SHISA9: variants seen among roughly 807,000 people sequenced by gnomAD.
The protein encoded by SHISA9 is shisa family member 9.
SHISA9 carries 13 observed loss-of-function variants against 38.0 expected under a neutral mutation model. The ratio of observed to expected loss-of-function variants is 0.34; its 90% CI spans 0.22 to 0.54. The LOEUF is 0.54. Among genes scored for constraint, SHISA9 ranks in the 20% least tolerant of loss-of-function variants. The probability of loss-of-function intolerance (pLI) is 0.91; values close to 1 mark genes in which losing one functional copy is unlikely to be tolerated. For missense variants in SHISA9, 538 were observed against 575.8 expected (o/e 0.93, Z 0.67); for synonymous variants, 275 against 242.0 (o/e 1.14, Z -1.27).
chr16:13,335,001 T>C, the SHISA9 span, among the ~76,000 whole-genome samples: 3 of 152,190 alleles, frequency 2.0e-5, no homozygotes, highest in Admixed American at 2.0e-4. Context: ...CCTTTGGTTC[T>C]GGTAACTTTT....
chr16:13,425,797 C>T, the SHISA9 span, among the ~76,000 whole-genome samples: 1 of 152,184 alleles, frequency 6.6e-6, no homozygotes, highest in African/African-American at 2.4e-5. Context: ...TGGAAAAACT[C>T]ATTTGAGAGT....
intron 4 of SHISA9, among the ~76,000 whole-genome samples, chr16:13,226,647 G>T (rs1321009975): frequency 6.6e-6 from 1 of 152,164 alleles, no homozygotes; most frequent in African/African-American, 2.4e-5. Context: ...CATGATTCTG[G>T]GTCAACGGAG....
chr16:13,374,453 A>T, the SHISA9 span, among the ~76,000 whole-genome samples: 1 of 152,074 alleles, frequency 6.6e-6, no homozygotes, highest in Non-Finnish European at 1.5e-5. Flanking sequence ...GCTCAGAATG[A>T]TGGTTTCTAG....
chr16:12,951,829 C>T (rs1198855362), intron 2 of SHISA9, among the ~76,000 whole-genome samples: 1 of 152,200 alleles, frequency 6.6e-6, no homozygotes. Context: ...CAGGGAACTT[C>T]ACTTCAGGGA....
chr16:13,141,585 G>A (rs1317776739), intron 2 of SHISA9, among the ~76,000 whole-genome samples: 1 of 152,000 alleles, frequency 6.6e-6, no homozygotes, highest in East Asian at 1.9e-4. Context: ...TGGAGAGGCT[G>A]AGTCACGAGA....
At chr16:13,202,948 C>G (rs1227769372) in intron 2 of SHISA9, among the ~76,000 whole-genome samples, 1 of 152,146 alleles carries the variant, frequency 6.6e-6, no homozygotes, top group Admixed American at 6.6e-5. Flanking sequence ...CTTTAAGAGG[C>G]CTCCCTGTGC....
chr16:13,323,058 T>C, the SHISA9 span, among the ~76,000 whole-genome samples: 1 of 152,196 alleles, frequency 6.6e-6, no homozygotes, highest in African/African-American at 2.4e-5. Flanking sequence ...GTTGTTTAGG[T>C]TCAACCCCCA....
rs13338904 is a variant in SHISA9, at chr16:13,006,557, C to G, written c.691+89742C>G. 9.2e-3 allele frequency among the ~76,000 whole-genome samples: 1,396 copies of G among 152,330 alleles called. 20 individuals are homozygous for G. Among genetic ancestry groups the G allele is most frequent in the African/African-American group, 0.032 (1,321 of 41,568 alleles). ...CACTTATTCATCAGATGTTTTCTAT[C>G]TTGTTCATTATTGTATTGCCAGAAT... On this transcript the variant is annotated intron_variant, in intron 2 of 4. Transcript: ENST00000558583.
rs1246859382 is a variant in SHISA9, at chr16:13,235,423, G to C, written c.*14G>C. ...GTGACTGTCTGAGCTTTCACCACAGGGAGCACCCTGGAGACCACACTCAAC... is the reference window on the plus strand; with the variant it reads ...GTGACTGTCTGAGCTTTCACCACAGCGAGCACCCTGGAGACCACACTCAAC... On this transcript the variant is annotated 3_prime_UTR_variant, in exon 5 of 5. Coordinates refer to ENST00000558583, the MANE Select transcript of SHISA9 (RefSeq NM_001145204.3). 2 of 1,525,098 alleles carry C rather than the reference G, an allele frequency of 1.3e-6. No individual in the cohort carries two copies. The highest frequency in any genetic ancestry group is 4.0e-5 in the Admixed American group (2 of 49,920). 94.5% of individuals were successfully genotyped at this position (1,525,098 alleles called of 1,614,324 possible).
chr16:13,020,066 A>T (rs1488544308), intron 2 of SHISA9, among the ~76,000 whole-genome samples: 1 of 133,112 alleles, frequency 7.5e-6, no homozygotes, highest in African/African-American at 2.9e-5. Context: ...TTGCTGTGTC[A>T]CCCAGGCTGG....
chr16:13,122,090 G>C (rs537816229), intron 2 of SHISA9, among the ~76,000 whole-genome samples: 5 of 152,300 alleles, frequency 3.3e-5, no homozygotes, highest in African/African-American at 1.2e-4. Context: ...GGAGTCCATT[G>C]AGTACTGGTC....
chr16:13,442,252 C>A, the SHISA9 span, among the ~76,000 whole-genome samples: 1 of 152,324 alleles, frequency 6.6e-6, no homozygotes, highest in East Asian at 1.9e-4. Context: ...CTGTAGAAAT[C>A]TTTCTGGAAG....
chr16:13,135,244 G>A (rs928236909), intron 2 of SHISA9, among the ~76,000 whole-genome samples: 2 of 152,156 alleles, frequency 1.3e-5, no homozygotes, highest in African/African-American at 4.8e-5. Context: ...GTATGAAACT[G>A]TCACACATTG....
chr16:13,469,420 AG>A, the SHISA9 span, among the ~76,000 whole-genome samples: 21 of 114,302 alleles, frequency 1.8e-4, no homozygotes, highest in African/African-American at 6.4e-4. Context: ...AAAGAAAGAA[AG>A]AAAAAGAAAG....
At chr16:13,242,255 C>T (rs1245626742), downstream of SHISA9, among the ~76,000 whole-genome samples, 33 of 152,192 alleles carry the variant, frequency 2.2e-4, no homozygotes, top group East Asian at 1.9e-4. Flanking sequence ...CACCTGGATT[C>T]GCATGTGAAT....
At chr16:13,188,354 C>T (rs1029063038) in intron 2 of SHISA9, among the ~76,000 whole-genome samples, 1 of 152,126 alleles carries the variant, frequency 6.6e-6, no homozygotes, top group Non-Finnish European at 1.5e-5. Flanking sequence ...GAATTCAGAT[C>T]CAGTAAGGAG....
At chr16:13,303,314 G>T in the SHISA9 span, among the ~76,000 whole-genome samples, 3 of 152,140 alleles carry the variant, frequency 2.0e-5, no homozygotes, top group Non-Finnish European at 4.4e-5. Flanking sequence ...GCAAAAGGAG[G>T]AAACAGCCCA....
At chr16:13,379,845 C>G in the SHISA9 span, among the ~76,000 whole-genome samples, 1 of 151,824 alleles carries the variant, frequency 6.6e-6, no homozygotes, top group Non-Finnish European at 1.5e-5. Context: ...CTTAAAATAC[C>G]GCCTTAATTA....
the SHISA9 span, among the ~76,000 whole-genome samples, chr16:13,367,702 G>GCGTGCGCA: frequency 1.6e-3 from 57 of 35,794 alleles, no homozygotes; most frequent in African/African-American, 3.9e-3. Context: ...GTGCGTGCGC[G>GCGTGCGCA]CGCGCGCGCG....
Sources: allele counts gnomAD v4.1 joint callset (sites outside exome capture counted in the v4.1 genomes callset), GRCh38; gene constraint gnomAD v4.1.1; transcripts MANE v1.5; gene names NCBI Gene and HGNC (gene_info 2026-07-23, HGNC 2026-07-21).